TBC1D12: variants seen among roughly 807,000 people sequenced by gnomAD.
TBC1D12 encodes TBC1 domain family member 12, also known as TBC1 domain family, member 12.
A neutral mutation model predicts 86.7 loss-of-function variants in TBC1D12; 56 were observed. The ratio of observed to expected loss-of-function variants is 0.65; its 90% confidence interval spans 0.52 to 0.81. The LOEUF (loss-of-function observed/expected upper bound fraction) is 0.81. TBC1D12 is among the 30% of genes least tolerant of loss of function. TBC1D12 has a pLI of 0.00. For missense variants in TBC1D12, 1,023 were observed against 1,038.8 expected (o/e 0.98, Z 0.21); for synonymous variants, 421 against 411.7 (o/e 1.02, Z -0.27).
In TBC1D12 at chr10:94,531,423, C is replaced by G. The variant is rs1842415076; in HGVS notation, c.2222C>G (p.Ala741Gly). Reference sequence around the variant, plus strand: ...GAAAAGCTGTTCAGTTGTATTGCAGCCATTCAGATGCAGAATAGCACCAAA... The same window carrying G: ...GAAAAGCTGTTCAGTTGTATTGCAGGCATTCAGATGCAGAATAGCACCAAA... ...TSEKLFSCIA[A>G]IQMQNSTKKW... The change falls in exon 12 of 13, where the codon GCC (alanine) becomes GGC (glycine). Residue 741 changes from alanine to glycine, a missense_variant. Coordinates refer to ENST00000225235, the MANE Select transcript of TBC1D12 (RefSeq NM_015188.2). 6.2e-7 allele frequency: 1 copy of G among 1,613,794 alleles called. No homozygotes were observed. Among genetic ancestry groups the G allele is most frequent in the Admixed American group, 1.7e-5 (1 of 59,978 alleles).
Position 94,469,447 on chromosome 10 carries a change from CT to C in TBC1D12, c.1096-5202del, listed in dbSNP as rs71031578. Among the ~76,000 whole-genome samples, 271 of 112,568 alleles carry C rather than the reference CT, an allele frequency of 2.4e-3. 1 individual carries two copies. The highest frequency in any genetic ancestry group is 4.5e-3 in the African/African-American group (135 of 29,760). The allele number at this position is 112,568 out of a possible 152,430, so 73.8% of individuals were successfully genotyped here. ...CTATGCTAGTTTCTGGAGTTTTTTC[CT>C]TTTTTTTTTTTTTTTTTTGAGATGG... On this transcript the variant is annotated intron_variant, in intron 2 of 12. Coordinates refer to ENST00000225235, the MANE Select transcript of TBC1D12 (RefSeq NM_015188.2).
At chr10:94,425,294 C>T (rs1164847316) in intron 1 of TBC1D12, among the ~76,000 whole-genome samples, 1 of 152,054 alleles carries the variant, frequency 6.6e-6, no homozygotes, top group Non-Finnish European at 1.5e-5. Context: ...TGTTCTATAC[C>T]TGAATTGGGA....
intron 9 of TBC1D12, among the ~76,000 whole-genome samples, chr10:94,513,704 C>A (rs2056553325): frequency 6.6e-6 from 1 of 151,926 alleles, no homozygotes; most frequent in Admixed American, 6.6e-5. Context: ...GCTGGGACTG[C>A]AGGCACAAGC....
At chr10:94,426,525 C>A (rs925275268) in intron 1 of TBC1D12, among the ~76,000 whole-genome samples, 1 of 152,054 alleles carries the variant, frequency 6.6e-6, no homozygotes, top group African/African-American at 2.4e-5. Flanking sequence ...CCAGGATAAA[C>A]CCCACTTGGT....
At chr10:94,502,158 C>A (rs1389853006) in intron 6 of TBC1D12, among the ~76,000 whole-genome samples, 1 of 151,764 alleles carries the variant, frequency 6.6e-6, no homozygotes, top group African/African-American at 2.4e-5. Flanking sequence ...CATGGAGAAA[C>A]CCCGTCTCTA....
chr10:94,516,961 T>C (rs1435156853), intron 9 of TBC1D12, among the ~76,000 whole-genome samples: 1 of 152,112 alleles, frequency 6.6e-6, no homozygotes, highest in Non-Finnish European at 1.5e-5. Flanking sequence ...TTGCCCAGGC[T>C]GATCTTGAAC....
chr10:94,445,307 C>T (rs1373326104), intron 2 of TBC1D12, among the ~76,000 whole-genome samples: 1 of 151,752 alleles, frequency 6.6e-6, no homozygotes, highest in East Asian at 2.0e-4. Flanking sequence ...TGCAGTGAGC[C>T]GACGTTGTGC....
intron 1 of TBC1D12, among the ~76,000 whole-genome samples, chr10:94,409,293 T>A (rs1221056193): frequency 6.6e-6 from 1 of 152,158 alleles, no homozygotes. Flanking sequence ...AGGTAGAACG[T>A]ATTCAGAAAC....
intron 9 of TBC1D12, among the ~76,000 whole-genome samples, chr10:94,514,049 A>C (rs1182354420): frequency 8.0e-6 from 1 of 124,684 alleles, no homozygotes; most frequent in Non-Finnish European, 1.8e-5. Context: ...CAAAAAAAAA[A>C]CAAAAAAAAA....
At chr10:94,481,220 A>G (rs2056073714) in intron 3 of TBC1D12, among the ~76,000 whole-genome samples, 1 of 152,148 alleles carries the variant, frequency 6.6e-6, no homozygotes, top group Non-Finnish European at 1.5e-5. Flanking sequence ...CATTGGCTTC[A>G]ACTTAAAGTC....
chr10:94,533,048 G>A lies in TBC1D12; in HGVS notation c.2280G>A (p.Lys760=). 1.3e-6 allele frequency: 2 copies of A among 1,588,302 alleles called. No individual in the cohort carries two copies. The highest frequency in any genetic ancestry group is 2.3e-5 in the East Asian group (1 of 44,266). ...TTCAGGTCTTTGCATCTGTAATGAA[G>A]GATATTAAAGAAGGAGACAAGAACA... ...KWTQVFASVM[K]DIKEGDKNSS... The change falls in exon 13 of 13, where the codon AAG becomes AAA. Residue 760 remains lysine, a synonymous_variant. Transcript: ENST00000225235.
intron 2 of TBC1D12, among the ~76,000 whole-genome samples, chr10:94,458,232 G>A (rs1235734140): frequency 6.6e-6 from 1 of 151,952 alleles, no homozygotes; most frequent in Non-Finnish European, 1.5e-5. Context: ...ATAGGAATGG[G>A]CCTAGTGACT....
intron 9 of TBC1D12, among the ~76,000 whole-genome samples, chr10:94,520,241 A>C (rs1422752121): frequency 6.6e-6 from 1 of 152,164 alleles, no homozygotes; most frequent in Non-Finnish European, 1.5e-5. Context: ...ATACATACTG[A>C]AGTGTGTTAA....
chr10:94,493,571 T>G, intron 4 of TBC1D12, 124 bp downstream of exon 4: 1 of 775,116 alleles, frequency 1.3e-6, no homozygotes, highest in African/African-American at 1.8e-5. Context: ...TTTCGTTTCT[T>G]TTTTGAGTCT....
chr10:94,521,046 TAAAC>T (rs1433848485), intron 9 of TBC1D12, among the ~76,000 whole-genome samples: 1 of 151,542 alleles, frequency 6.6e-6, no homozygotes, highest in Non-Finnish European at 1.5e-5. Context: ...TTTTTTTAAT[TAAAC>T]AAATGTATGG....
At chr10:94,458,082 T>C (rs2055655362) in intron 2 of TBC1D12, among the ~76,000 whole-genome samples, 1 of 152,160 alleles carries the variant, frequency 6.6e-6, no homozygotes, top group Non-Finnish European at 1.5e-5. Flanking sequence ...GTTTATCCCC[T>C]CTAAAATTTA....
intron 1 of TBC1D12, among the ~76,000 whole-genome samples, chr10:94,408,323 G>A (rs1247667025): frequency 6.6e-6 from 1 of 151,984 alleles, no homozygotes; most frequent in African/African-American, 2.4e-5. Flanking sequence ...AGATCCATGT[G>A]GCTTTCTCTG....
intron 3 of TBC1D12, among the ~76,000 whole-genome samples, chr10:94,480,957 AAAC>A (rs2134156378): frequency 1.3e-5 from 2 of 152,088 alleles, no homozygotes; most frequent in Admixed American, 1.3e-4. Flanking sequence ...GCAGGCATGA[AAAC>A]AACATTCATC....
intron 3 of TBC1D12, among the ~76,000 whole-genome samples, chr10:94,491,723 A>T (rs2056248256): frequency 6.6e-6 from 1 of 152,208 alleles, no homozygotes. Context: ...CCCATCTGGT[A>T]GTTCAGTTAG....
Sources: allele counts gnomAD v4.1 joint callset (sites outside exome capture counted in the v4.1 genomes callset), GRCh38; gene constraint gnomAD v4.1.1; transcripts MANE v1.5; gene names NCBI Gene and HGNC (gene_info 2026-07-23, HGNC 2026-07-21).